CNTRL: variants seen among roughly 807,000 people sequenced by gnomAD.
The protein encoded by CNTRL is centriolin, also known as 110 kDa centrosomal protein.
A neutral mutation model predicts 303.7 loss-of-function variants in CNTRL; 233 were observed. That is an observed-to-expected ratio of 0.77 (90% confidence interval 0.69 to 0.86). CNTRL has a LOEUF of 0.86. Among genes scored for constraint, CNTRL ranks in the 40% least tolerant of loss-of-function variants. The pLI is 0.00. For missense variants in CNTRL, 2,524 were observed against 2,650.6 expected, an observed-to-expected ratio of 0.95 and a Z score of 1.05; for synonymous variants, 900 against 922.2, an observed-to-expected ratio of 0.98 and a Z score of 0.44.
chr9:121,175,252 A>G (rs1178178843), intron 43 of CNTRL, 28 bp downstream of exon 43: 1 of 1,601,810 alleles, frequency 6.2e-7, no homozygotes, highest in South Asian at 1.1e-5. Flanking sequence ...TTAAAAACAA[A>G]ACAATAGCCT....
chr9:121,166,945 C>T (rs911765310), intron 36 of CNTRL, among the ~76,000 whole-genome samples: 1 of 151,108 alleles, frequency 6.6e-6, no homozygotes, highest in Admixed American at 6.6e-5. Context: ...CGCTTGAACC[C>T]GAGAGGCGGA....
At chr9:121,136,336 A>C (rs1357126828) in intron 15 of CNTRL, among the ~76,000 whole-genome samples, 1 of 151,984 alleles carries the variant, frequency 6.6e-6, no homozygotes, top group African/African-American at 2.4e-5. Context: ...TTTGAGACAG[A>C]GTCTTGCTCT....
At chr9:121,154,618 A>G in intron 26 of CNTRL, 103 bp from the exon 27 acceptor site, 1 of 688,202 alleles carries the variant, frequency 1.5e-6, no homozygotes, top group South Asian at 2.0e-5. Context: ...CTATTCTCAT[A>G]TAAAATTAGA....
intron 12 of CNTRL, 81 bp from the exon 13 acceptor site, chr9:121,123,850 T>C: frequency 9.5e-7 from 1 of 1,054,362 alleles, no homozygotes; most frequent in Non-Finnish European, 1.3e-6. Context: ...CTATTCTTCC[T>C]TTAAAAATGT....
Position 121,159,027 on chromosome 9 carries a change from T to C in CNTRL, c.4929+8T>C, listed in dbSNP as rs371172406. 97 of 1,612,712 alleles carry C rather than the reference T, an allele frequency of 6.0e-5. No individual in the cohort carries two copies. Among genetic ancestry groups the C allele is most frequent in the Non-Finnish European group, 8.1e-5 (96 of 1,179,444 alleles). On this transcript the variant is annotated splice_region_variant and intron_variant, in intron 31 of 43. Coordinates refer to ENST00000373855, the MANE Select transcript of CNTRL (RefSeq NM_007018.6). Reference sequence around the variant, plus strand: ...AAGTGCAATCACATTAGGGTGTGTTTTTTATTAGGGTTTTCTGAAGAGTCG... The same window carrying C: ...AAGTGCAATCACATTAGGGTGTGTTCTTTATTAGGGTTTTCTGAAGAGTCG...
In CNTRL at chr9:121,169,748, G is replaced by A; in HGVS notation, c.6208G>A (p.Glu2070Lys). Residue 2070 changes from glutamate to lysine, a missense_variant, in exon 39 of 44, where the codon GAG becomes AAG. By Grantham distance (56) the Glu-to-Lys change is moderately conservative (BLOSUM62 1). Transcript: ENST00000373855. ...NQFLTERKKA[E>K]KQVASLKEAL... The stretch of plus-strand genomic sequence containing the variant: ...GTTCTTGACAGAAAGAAAGAAAGCT[G>A]AGAAGCAGGTGGCCAGCCTGAAGGA... The A allele has an allele frequency of 6.2e-7, 1 of 1,614,226 alleles. No homozygotes were observed. Among genetic ancestry groups the A allele is most frequent in the Non-Finnish European group, 8.5e-7 (1 of 1,180,032 alleles).
At chr9:121,077,101 G>C (rs926482463) in intron 1 of CNTRL, among the ~76,000 whole-genome samples, 5 of 152,082 alleles carry the variant, frequency 3.3e-5, no homozygotes, top group African/African-American at 7.2e-5. Flanking sequence ...CAACTATCTG[G>C]GTTTATAGGT....
Position 121,158,050 on chromosome 9 carries a change from A to G in CNTRL, c.4705A>G (p.Lys1569Glu). 6.2e-7 allele frequency: 1 copy of G among 1,614,214 alleles called. No individual in the cohort carries two copies. Among genetic ancestry groups the G allele is most frequent in the East Asian group, 2.2e-5 (1 of 44,886 alleles). ...TGAGGATCACCACCTGCAGGTCCTT[A>G]AAGAATCTGAGGTGCTTCTTCAGGC... ...RNEDHHLQVLKESEVLLQAKR... is the reference protein window; with the variant it reads ...RNEDHHLQVLEESEVLLQAKR... The change falls in exon 30 of 44, where the codon AAA (lysine) becomes GAA (glutamate). Residue 1569 changes from lysine (K) to glutamate (E), a missense_variant. Physicochemically the swap from Lys to Glu is moderately conservative, Grantham distance 56. Coordinates refer to ENST00000373855, the MANE Select transcript of CNTRL (RefSeq NM_007018.6).
At position 121,098,418 on chromosome 9, in the gene CNTRL, A is replaced by G. The variant is rs143362843; in HGVS notation, c.654A>G (p.Gln218=). 310 of 1,613,038 alleles carry G rather than the reference A, an allele frequency of 1.9e-4. No individual in the cohort carries two copies. In the African/African-American group the frequency reaches 3.5e-3, roughly 18 times the overall value. ...ATATAAGCAAGTTGAAACCGCTTCAAGATTTGATTTCTCTGATCCTAGTTG... is the reference window on the plus strand; with the variant it reads ...ATATAAGCAAGTTGAAACCGCTTCAGGATTTGATTTCTCTGATCCTAGTTG... ...LQDISKLKPL[Q]DLISLILVEN... is the part of the protein sequence containing the mutation. Residue 218 remains glutamine (Q), a synonymous_variant, in exon 7 of 44, where the codon CAA becomes CAG. Transcript: ENST00000373855.
intron 32 of CNTRL, 150 bp downstream of exon 32, chr9:121,160,452 T>A: frequency 3.0e-6 from 1 of 337,268 alleles, no homozygotes; most frequent in African/African-American, 6.1e-5. Context: ...AGGAATATGA[T>A]ATTTTCTGCC....
chr9:121,077,222 A>G (rs901849896), intron 1 of CNTRL, among the ~76,000 whole-genome samples: 30 of 152,018 alleles, frequency 2.0e-4, no homozygotes, highest in African/African-American at 7.2e-4. Context: ...TGCAGCTCTG[A>G]ACTTTATTTG....
In CNTRL at chr9:121,118,257, T is replaced by G. The variant is rs953730865; in HGVS notation, c.1456-89T>G. Reference sequence around the variant, plus strand: ...TTATTTTTAAAAAACTGATAGAATATAGAATACTTATTAAAATTATAGACA... The same window carrying G: ...TTATTTTTAAAAAACTGATAGAATAGAGAATACTTATTAAAATTATAGACA... On this transcript the variant is annotated intron_variant, in intron 11 of 43. Transcript: ENST00000373855. 1.0e-5 allele frequency: 11 copies of G among 1,055,546 alleles called. No homozygotes were observed. The African/African-American group carries it at 1.8e-4, about 17-fold the overall frequency. 65.4% of individuals were successfully genotyped at this position (1,055,546 alleles called of 1,614,324 possible).
At chr9:121,126,091 T>C (rs886382567) in intron 14 of CNTRL, among the ~76,000 whole-genome samples, 155 bp downstream of exon 14, 2 of 152,174 alleles carry the variant, frequency 1.3e-5, no homozygotes, top group African/African-American at 2.4e-5. Context: ...CTTTTTTTTT[T>C]CTTCTTTAGC....
chr9:121,173,177 T>TA lies in CNTRL; in HGVS notation c.6418-65dup, dbSNP rs546021867. 1.6e-5 allele frequency: 22 copies of TA among 1,400,064 alleles called. No homozygotes were observed. The African/African-American group carries it at 2.3e-4, about 15-fold the overall frequency. The allele number at this position is 1,400,064 out of a possible 1,614,324, so 86.7% of individuals were successfully genotyped here. On this transcript the variant is annotated intron_variant, in intron 40 of 43. Transcript: ENST00000373855. ...AGATCTTTAAATACATGGCACATCA[T>TA]ACAGCTCAATTCCAAGTAAGTCTGA... is the stretch of plus-strand genomic sequence containing the variant.
chr9:121,098,557 G>C lies in CNTRL; in HGVS notation c.793G>C (p.Glu265Gln), dbSNP rs745960037. 6.3e-7 allele frequency: 1 copy of C among 1,597,164 alleles called. No homozygotes were observed. Among genetic ancestry groups the C allele is most frequent in the East Asian group, 2.2e-5 (1 of 44,700 alleles). The stretch of plus-strand genomic sequence containing the variant: ...CACTCAGGATAGACAGGAGGCTTTT[G>C]AGAGATTCAGTTTAGGTAAGATTAA... ...VTTQDRQEAFERFSLEEVERL... is the reference protein window; with the variant it reads ...VTTQDRQEAFQRFSLEEVERL... Residue 265 changes from glutamate (E) to glutamine (Q), a missense_variant, in exon 7 of 44, where the codon GAG (glutamate) becomes CAG (glutamine). By Grantham distance (29) the Glu-to-Gln change is conservative (BLOSUM62 2). Coordinates refer to ENST00000373855, the MANE Select transcript of CNTRL (RefSeq NM_007018.6).
In CNTRL at chr9:121,169,681, G is replaced by A; in HGVS notation, c.6141G>A (p.Glu2047=). 6.2e-7 allele frequency: 1 copy of A among 1,614,156 alleles called. No homozygotes were observed. Among genetic ancestry groups the A allele is most frequent in the South Asian group, 1.1e-5 (1 of 91,080 alleles). Residue 2047 remains glutamate, a synonymous_variant, in exon 39 of 44, where the codon GAG becomes GAA. Transcript: ENST00000373855. The stretch of plus-strand genomic sequence containing the variant: ...GTGAGCTGTTGGCCCTCCAGAAAGA[G>A]GCAGATTCTATGAGGGCAGACTTCA... ...KSGELLALQK[E]ADSMRADFSL...
At chr9:121,092,543 T>TA (rs2048656058) in intron 4 of CNTRL, among the ~76,000 whole-genome samples, 2 of 1,672 alleles carry the variant, frequency 1.2e-3, no homozygotes, top group African/African-American at 2.8e-3. Context: ...CTATATATAT[T>TA]ATATATATCT....
chr9:121,127,715 T>A (rs2050609895), intron 14 of CNTRL, among the ~76,000 whole-genome samples: 1 of 152,250 alleles, frequency 6.6e-6, no homozygotes, highest in South Asian at 2.1e-4. Context: ...TACATAGGTA[T>A]ACATGTTTCA....
chr9:121,096,794 A>C (rs2048912245), intron 6 of CNTRL, among the ~76,000 whole-genome samples: 1 of 152,128 alleles, frequency 6.6e-6, no homozygotes, highest in African/African-American at 2.4e-5. Context: ...TTTTACATTT[A>C]TCATTTCATG....
Sources: gnomAD v4.1 joint callset for allele counts (sites outside exome capture counted in the v4.1 genomes callset) on GRCh38, gnomAD v4.1.1 for gene constraint, MANE v1.5 for transcripts, NCBI Gene and HGNC (gene_info 2026-07-23, HGNC 2026-07-21) for gene names.